PINX1: variants seen among roughly 807,000 people sequenced by gnomAD.
The protein encoded by PINX1 is PIN2 (TERF1) interacting telomerase inhibitor 1, also known as PIN2/TERF1-interacting telomerase inhibitor 1.
Under a neutral mutation model 25.4 loss-of-function variants are expected in PINX1, and 34 were observed. That is an observed-to-expected ratio of 1.34 (90% CI 1.02 to 1.78). The LOEUF (loss-of-function observed/expected upper bound fraction) is 1.78. Ranked by LOEUF, PINX1 falls within the 40% of genes most tolerant of loss-of-function variation. The pLI, the probability that PINX1 is intolerant of heterozygous loss-of-function variation, is 0.00. For missense variants in PINX1, 592 were observed against 404.9 expected (o/e 1.46, Z -3.97); for synonymous variants, 197 against 147.7 (o/e 1.33, Z -2.42).
rs1232494925 is a variant in PINX1, at chr8:10,765,548, A to G, written c.840T>C (p.His280=). The part of the protein sequence containing the change: ...SKASAQDAGD[H]VQPPEGRDFT... ...AGTCCCGGCCCTCAGGCGGCTGCAC[A>G]TGGTCCCCTGCATCCTGAGCAGAGG... Residue 280 remains histidine, a synonymous_variant, in exon 7 of 7, where the codon CAT becomes CAC. Coordinates refer to ENST00000314787, the MANE Select transcript of PINX1 (RefSeq NM_017884.6). 3 of 1,613,504 alleles carry G rather than the reference A, an allele frequency of 1.9e-6. No homozygotes were observed. The highest frequency in any genetic ancestry group is 1.3e-5 in the African/African-American group (1 of 74,902).
At chr8:10,767,110 A>T (rs1801076596) in intron 6 of PINX1, among the ~76,000 whole-genome samples, 1 of 152,174 alleles carries the variant, frequency 6.6e-6, no homozygotes, top group Non-Finnish European at 1.5e-5. Context: ...TGGGTGTTCT[A>T]CGCTTTCATG....
At chr8:10,786,734 T>C (rs979010252) in intron 6 of PINX1, among the ~76,000 whole-genome samples, 1 of 152,088 alleles carries the variant, frequency 6.6e-6, no homozygotes, top group Admixed American at 6.5e-5. Context: ...CTGTGTAATC[T>C]TGCTTCCTCC....
At chr8:10,774,721 G>C (rs951865656) in intron 6 of PINX1, among the ~76,000 whole-genome samples, 3 of 152,172 alleles carry the variant, frequency 2.0e-5, no homozygotes, top group African/African-American at 4.8e-5. Flanking sequence ...AACAAAAAAA[G>C]TCTCGTCTTT....
intron 5 of PINX1, among the ~76,000 whole-genome samples, chr8:10,824,871 A>G (rs1414192247): frequency 6.6e-6 from 1 of 152,176 alleles, no homozygotes; most frequent in East Asian, 1.9e-4. Flanking sequence ...TATTTCAGGG[A>G]CTGGGTATGA....
Position 10,834,661 on chromosome 8 carries a change from A to T in PINX1, c.129+5T>A, listed in dbSNP as rs761447437. 6.2e-7 allele frequency: 1 copy of T among 1,612,242 alleles called. No homozygotes were observed. The highest frequency in any genetic ancestry group is 1.7e-4 in the Middle Eastern group (1 of 6,050). ...CAGATTTTTTTCCGCTTTTCTCCAA[A>T]ATACCTTTCCTTTAGACCACCCCAT... On this transcript the variant is annotated splice_donor_5th_base_variant and intron_variant, in intron 2 of 6. Transcript: ENST00000314787.
chr8:10,796,638 G>C (rs1563215949), intron 6 of PINX1, among the ~76,000 whole-genome samples: 2 of 151,926 alleles, frequency 1.3e-5, no homozygotes, highest in Non-Finnish European at 2.9e-5. Context: ...CTCCAGACAG[G>C]TGATAAGAAT....
chr8:10,798,098 C>G (rs1487466520), intron 6 of PINX1, among the ~76,000 whole-genome samples: 1 of 152,192 alleles, frequency 6.6e-6, no homozygotes, highest in Admixed American at 6.5e-5. Context: ...TGGAACTGCC[C>G]CATCCACACA....
chr8:10,837,549 A>C (rs1798438540), intron 1 of PINX1, among the ~76,000 whole-genome samples: 1 of 152,256 alleles, frequency 6.6e-6, no homozygotes, highest in East Asian at 1.9e-4. Flanking sequence ...CTGGAACAGC[A>C]GTGTTTACAG....
chr8:10,782,609 G>A (rs1016676428), intron 6 of PINX1, among the ~76,000 whole-genome samples: 1 of 151,976 alleles, frequency 6.6e-6, no homozygotes, highest in African/African-American at 2.4e-5. Context: ...GGTGGCTCAC[G>A]CCTGTAATCC....
intron 6 of PINX1, among the ~76,000 whole-genome samples, chr8:10,778,050 T>C (rs1215841704): frequency 6.6e-6 from 1 of 152,214 alleles, no homozygotes; most frequent in Non-Finnish European, 1.5e-5. Flanking sequence ...ATCGATGAGC[T>C]GCTTTGTTCT....
chr8:10,835,685 T>C (rs949295804), intron 1 of PINX1, among the ~76,000 whole-genome samples: 13 of 152,076 alleles, frequency 8.5e-5, no homozygotes, highest in African/African-American at 3.1e-4. Flanking sequence ...GAGGCTTCAT[T>C]GCAAGAAGTA....
chr8:10,766,106 G>A (rs557131043), intron 6 of PINX1, among the ~76,000 whole-genome samples, 190 bp from the exon 7 acceptor site: 5 of 152,218 alleles, frequency 3.3e-5, no homozygotes, highest in East Asian at 1.9e-4. Flanking sequence ...CCTTCTGGTC[G>A]GCCTGAACTG....
chr8:10,834,493 T>C, intron 2 of PINX1, 173 bp downstream of exon 2: 1 of 940,380 alleles, frequency 1.1e-6, no homozygotes, highest in Non-Finnish European at 1.5e-6. Flanking sequence ...AAGTTGACAC[T>C]TATGTCCAAT....
At chr8:10,832,610 G>C (rs915125560) in intron 3 of PINX1, among the ~76,000 whole-genome samples, 42 of 152,136 alleles carry the variant, frequency 2.8e-4, no homozygotes, top group African/African-American at 1.0e-3. Context: ...TAATTTCCCA[G>C]ATTCCCTACC....
In PINX1 at chr8:10,799,956, G is replaced by A. The variant is rs548221463; in HGVS notation, c.471+20237C>T. ...TCCACTAGCTGACTGCTAAGGCTCAGAAAGGTTAAATTCCTGCCAAAGGTC... is the reference window on the plus strand; with the variant it reads ...TCCACTAGCTGACTGCTAAGGCTCAAAAAGGTTAAATTCCTGCCAAAGGTC... On this transcript the variant is annotated intron_variant, in intron 6 of 6. Coordinates refer to ENST00000314787, the MANE Select transcript of PINX1 (RefSeq NM_017884.6). Among the ~76,000 whole-genome samples, 8 of 152,300 alleles carry A rather than the reference G, an allele frequency of 5.3e-5. No individual in the cohort carries two copies. In the East Asian group the frequency reaches 1.2e-3, roughly 22 times the overall value.
intron 6 of PINX1, among the ~76,000 whole-genome samples, chr8:10,770,943 A>G (rs1405023648): frequency 6.6e-6 from 1 of 152,208 alleles, no homozygotes; most frequent in African/African-American, 2.4e-5. Context: ...TTTGTTAACA[A>G]AGTAGACTCC....
intron 6 of PINX1, among the ~76,000 whole-genome samples, chr8:10,794,217 T>C (rs987223105): frequency 2.0e-5 from 3 of 152,212 alleles, no homozygotes; most frequent in African/African-American, 7.2e-5. Flanking sequence ...GCTCAATCAC[T>C]GGTAATCTAT....
At position 10,831,743 on chromosome 8, in the gene PINX1, C is replaced by A. The variant is rs1182843207; in HGVS notation, c.223G>T (p.Asp75Tyr). Residue 75 changes from aspartate to tyrosine, a missense_variant and splice_region_variant, in exon 4 of 7, where the codon GAC becomes TAC. Coordinates refer to ENST00000314787, the MANE Select transcript of PINX1 (RefSeq NM_017884.6). ...LGLGATINNEDNWIAHQDDFN... is the reference protein window; with the variant it reads ...LGLGATINNEYNWIAHQDDFN... Reference sequence around the variant, plus strand: ...TCATCCTGATGGGCAATCCAGTTGTCCTGAAAATATCAAAGAAATGAACGA... The same window carrying A: ...TCATCCTGATGGGCAATCCAGTTGTACTGAAAATATCAAAGAAATGAACGA... The A allele has an allele frequency of 1.9e-6, 3 of 1,573,896 alleles. No individual in the cohort carries two copies. Among genetic ancestry groups the A allele is most frequent in the East Asian group, 2.3e-5 (1 of 44,084 alleles).
At chr8:10,782,022 G>C (rs555153178) in intron 6 of PINX1, among the ~76,000 whole-genome samples, 1 of 152,300 alleles carries the variant, frequency 6.6e-6, no homozygotes, top group African/African-American at 2.4e-5. Flanking sequence ...AAAAGGAGGA[G>C]ATCCAGCCAT....
Sources: gnomAD v4.1 joint callset for allele counts (sites outside exome capture counted in the v4.1 genomes callset) on GRCh38, gnomAD v4.1.1 for gene constraint, MANE v1.5 for transcripts, NCBI Gene and HGNC (gene_info 2026-07-23, HGNC 2026-07-21) for gene names.